The following ADGRB3 variants were observed in gnomAD, a reference collection of about 807,000 sequenced individuals.
ADGRB3 encodes brain-specific angiogenesis inhibitor 3.
Under a neutral mutation model 193.4 loss-of-function variants are expected in ADGRB3, and 37 were observed. That is an observed-to-expected ratio of 0.19 (90% CI 0.15 to 0.25). The LOEUF (loss-of-function observed/expected upper bound fraction) is 0.25, where lower values mean the gene tolerates loss of function less well. ADGRB3 is among the 10% of genes least tolerant of loss of function. The probability of loss-of-function intolerance (pLI) is 1.00; values close to 1 mark genes in which losing one functional copy is unlikely to be tolerated. For synonymous variants in ADGRB3, 690 were observed against 644.2 expected, an observed-to-expected ratio of 1.07 and a Z score of -1.08; for missense variants, 1,637 against 1,852.9, an observed-to-expected ratio of 0.88 and a Z score of 2.14.
At chr6:68,706,968 G>A (rs6930275) in intron 3 of ADGRB3, among the ~76,000 whole-genome samples, 50,554 of 151,720 alleles carry the variant, frequency 0.33, 8,630 homozygotes, top group Middle Eastern at 0.38. Flanking sequence ...AAAATTAGCC[G>A]GGCATGGTGG....
At chr6:69,165,714 C>G (rs1043135248) in intron 17 of ADGRB3, among the ~76,000 whole-genome samples, 4 of 151,992 alleles carry the variant, frequency 2.6e-5, no homozygotes, top group Non-Finnish European at 5.9e-5. Context: ...TCACCTGTCT[C>G]TCCTCTAAAT....
At chr6:69,103,437 C>T (rs1773122507) in intron 17 of ADGRB3, among the ~76,000 whole-genome samples, 1 of 152,056 alleles carries the variant, frequency 6.6e-6, no homozygotes, top group Admixed American at 6.5e-5. Context: ...TTATGTATGT[C>T]ATAACTAGAG....
chr6:68,870,814 T>C (rs1765434874), intron 3 of ADGRB3, among the ~76,000 whole-genome samples: 1 of 152,174 alleles, frequency 6.6e-6, no homozygotes, highest in Non-Finnish European at 1.5e-5. Context: ...CCAGTAAATA[T>C]CTGTGATGTG....
At chr6:69,129,254 G>A (rs1018087282) in intron 17 of ADGRB3, among the ~76,000 whole-genome samples, 1 of 152,166 alleles carries the variant, frequency 6.6e-6, no homozygotes, top group Non-Finnish European at 1.5e-5. Context: ...CACTAGTAGA[G>A]AGAAGGAATT....
intron 17 of ADGRB3, among the ~76,000 whole-genome samples, chr6:69,168,119 A>G (rs186010382): frequency 5.8e-4 from 88 of 152,258 alleles, no homozygotes; most frequent in African/African-American, 2.0e-3. Flanking sequence ...TTCTTACCTA[A>G]CTATGTAACC....
intron 5 of ADGRB3, among the ~76,000 whole-genome samples, chr6:68,939,209 T>G (rs1767570202): frequency 6.6e-6 from 1 of 152,160 alleles, no homozygotes; most frequent in Non-Finnish European, 1.5e-5. Flanking sequence ...CTTAAAGATT[T>G]TTAAATTAAA....
intron 20 of ADGRB3, among the ~76,000 whole-genome samples, chr6:69,264,279 C>A (rs1164769857): frequency 6.6e-6 from 1 of 151,872 alleles, no homozygotes; most frequent in African/African-American, 2.4e-5. Flanking sequence ...AGATTTATAA[C>A]TAGAAACCGC....
At chr6:68,794,159 T>A (rs1227267753) in intron 3 of ADGRB3, among the ~76,000 whole-genome samples, 1 of 152,122 alleles carries the variant, frequency 6.6e-6, no homozygotes, top group Admixed American at 6.6e-5. Context: ...TCGTAGTAAA[T>A]AAATTGCTTA....
intron 3 of ADGRB3, among the ~76,000 whole-genome samples, chr6:68,779,230 ATG>A (rs4038665): frequency 0.021 from 3,101 of 144,494 alleles, 39 homozygotes; most frequent in Non-Finnish European, 0.025. Flanking sequence ...TGTATATATT[ATG>A]TGTGTGTGTG....
chr6:69,132,805 A>T (rs114037489), intron 17 of ADGRB3, among the ~76,000 whole-genome samples: 1 of 152,270 alleles, frequency 6.6e-6, no homozygotes, highest in African/African-American at 2.4e-5. Context: ...TTTTTGTATA[A>T]GGAGTAAAGA....
At chr6:69,191,878 G>A (rs980310854) in intron 17 of ADGRB3, among the ~76,000 whole-genome samples, 13 of 152,220 alleles carry the variant, frequency 8.5e-5, no homozygotes, top group South Asian at 4.2e-4. Flanking sequence ...TTGGAAAGCA[G>A]GGTGCAAGCA....
intron 16 of ADGRB3, among the ~76,000 whole-genome samples, chr6:69,067,642 T>C (rs1466452399): frequency 6.6e-6 from 1 of 152,164 alleles, no homozygotes; most frequent in Non-Finnish European, 1.5e-5. Flanking sequence ...TGAATTACTT[T>C]TCTGCCCTAG....
At chr6:68,744,990 A>G (rs1766055651) in intron 3 of ADGRB3, among the ~76,000 whole-genome samples, 1 of 152,172 alleles carries the variant, frequency 6.6e-6, no homozygotes, top group South Asian at 2.1e-4. Flanking sequence ...CAAATACAAT[A>G]AAAAAGATGG....
chr6:69,308,274 A>G (rs1262579816), intron 20 of ADGRB3, among the ~76,000 whole-genome samples: 1 of 151,472 alleles, frequency 6.6e-6, no homozygotes, highest in South Asian at 2.1e-4. Context: ...AATAGTAATT[A>G]CACTTACCTT....
chr6:68,962,427 T>C (rs1308872223), intron 8 of ADGRB3, among the ~76,000 whole-genome samples: 1 of 152,180 alleles, frequency 6.6e-6, no homozygotes, highest in African/African-American at 2.4e-5. Flanking sequence ...CCTGTTGCTA[T>C]GGAGATAATT....
chr6:69,296,592 C>T (rs926326022), intron 20 of ADGRB3, among the ~76,000 whole-genome samples: 3 of 152,032 alleles, frequency 2.0e-5, no homozygotes, highest in South Asian at 4.1e-4. Flanking sequence ...AAAATTACTC[C>T]GTATAAAGTG....
At chr6:69,303,840 A>G (rs1388929467) in intron 20 of ADGRB3, among the ~76,000 whole-genome samples, 2 of 151,974 alleles carry the variant, frequency 1.3e-5, no homozygotes, top group African/African-American at 4.8e-5. Context: ...TGGTTTAGTA[A>G]TTAAATAGGA....
At chr6:69,208,454 C>T (rs1765584591) in intron 17 of ADGRB3, among the ~76,000 whole-genome samples, 1 of 152,170 alleles carries the variant, frequency 6.6e-6, no homozygotes, top group Non-Finnish European at 1.5e-5. Flanking sequence ...CACATCTGGC[C>T]ATTTCCCCTT....
chr6:69,076,728 C>T (rs1339697411), intron 17 of ADGRB3, among the ~76,000 whole-genome samples: 1 of 151,948 alleles, frequency 6.6e-6, no homozygotes, highest in Non-Finnish European at 1.5e-5. Flanking sequence ...ACTTTAAATA[C>T]TTGTGTAGCT....
Sources: gnomAD v4.1 joint callset for allele counts (sites outside exome capture counted in the v4.1 genomes callset) on GRCh38, gnomAD v4.1.1 for gene constraint, MANE v1.5 for transcripts, NCBI Gene and HGNC (gene_info 2026-07-23, HGNC 2026-07-21) for gene names.